The following AAAS variants were observed in gnomAD, a reference collection of about 807,000 sequenced individuals.
AAAS encodes aladin WD repeat nucleoporin.
A neutral mutation model predicts 75.6 loss-of-function variants in AAAS; 60 were observed. The observed-to-expected ratio is 0.79, with a 90% CI of 0.64 to 0.98. The LOEUF (loss-of-function observed/expected upper bound fraction) is 0.98, where lower values mean the gene tolerates loss of function less well. Among genes scored for constraint, AAAS ranks in the 50% least tolerant of loss-of-function variants. The pLI is 0.00. For missense variants in AAAS, 658 were observed against 686.9 expected, an observed-to-expected ratio of 0.96 and a Z score of 0.47; for synonymous variants, 271 against 265.0, an observed-to-expected ratio of 1.02 and a Z score of -0.22.
Position 53,314,790 on chromosome 12 carries a change from G to A in AAAS, c.506C>T (p.Ala169Val). Residue 169 changes from alanine to valine, a missense_variant, in exon 6 of 16, where the codon GCC becomes GTC. By Grantham distance (64) the Ala-to-Val change is moderately conservative (BLOSUM62 0). Coordinates refer to ENST00000209873, the MANE Select transcript of AAAS (RefSeq NM_015665.6). Reference sequence around the variant, plus strand: ...CACACGGACTGAGTCATCTAGCAGGGCCACTGCAAACTTGTTGGTGTGGGG... The same window carrying A: ...CACACGGACTGAGTCATCTAGCAGGACCACTGCAAACTTGTTGGTGTGGGG... ...WHPHTNKFAV[A>V]LLDDSVRVYN... is the part of the protein sequence containing the mutation. 1.2e-6 allele frequency: 2 copies of A among 1,613,878 alleles called. No individual in the cohort carries two copies. The highest frequency in any genetic ancestry group is 1.7e-6 in the Non-Finnish European group (2 of 1,179,920).
chr12:53,309,798 G>A (rs1944357918), intron 7 of AAAS, 77 bp from the exon 8 acceptor site: 2 of 1,576,102 alleles, frequency 1.3e-6, no homozygotes, highest in Admixed American at 1.9e-5. Flanking sequence ...TTTGCCTCCT[G>A]CTAAAACCTC....
chr12:53,317,318 G>A (rs1944478410), intron 2 of AAAS, among the ~76,000 whole-genome samples: 1 of 152,082 alleles, frequency 6.6e-6, no homozygotes, highest in Admixed American at 6.6e-5. Context: ...AGCACTTTGG[G>A]AGGCTGAGGC....
At position 53,316,764 on chromosome 12, in the gene AAAS, CAA is replaced by C. The variant is rs34520642; in HGVS notation, c.252-984_252-983del. ...CAACAGAGCAAGACTCCATCTCAGA[CAA>C]AAAAAAAAAAAAAAAAAAAGAAGAG... On this transcript the variant is annotated intron_variant, in intron 2 of 15. Coordinates refer to ENST00000209873, the MANE Select transcript of AAAS (RefSeq NM_015665.6). 1.5e-3 allele frequency among the ~76,000 whole-genome samples: 116 copies of C among 77,184 alleles called. 1 individual carries two copies. The highest frequency in any genetic ancestry group is 3.3e-3 in the South Asian group (7 of 2,094). The allele number at this position is 77,184 out of a possible 152,430, so 50.6% of individuals were successfully genotyped here.
chr12:53,307,991 G>T, intron 14 of AAAS, 61 bp downstream of exon 14: 1 of 1,612,636 alleles, frequency 6.2e-7, no homozygotes, highest in African/African-American at 1.3e-5. Flanking sequence ...GTGGGATGTG[G>T]GTTTGTTTGT....
chr12:53,308,692 C>T, intron 11 of AAAS, 33 bp downstream of exon 11: 1 of 1,612,654 alleles, frequency 6.2e-7, no homozygotes, highest in Non-Finnish European at 8.5e-7. Flanking sequence ...TCCCTCTGAC[C>T]ACCCCAAATA....
chr12:53,321,288 AGTCCCCGACTCCGCCCCCATGCCTGTAG>A lies in AAAS; in HGVS notation c.123+27_123+54del, dbSNP rs369028272. The A allele has an allele frequency of 1.3e-3, 2,132 of 1,597,518 alleles. 33 individuals are homozygous for A. In the East Asian group the frequency reaches 0.036, roughly 27 times the overall value. ...TGTCACACTGCCTCCTTTCCCCAGT[AGTCCCCGACTCCGCCCCCATGCCTGTAG>A]GTCCCCTCCCTCCTCGCCCTGGCCA... On this transcript the variant is annotated intron_variant, in intron 1 of 15. Coordinates refer to ENST00000209873, the MANE Select transcript of AAAS (RefSeq NM_015665.6).
intron 6 of AAAS, 131 bp from the exon 7 acceptor site, chr12:53,314,572 G>A: frequency 7.1e-7 from 1 of 1,416,940 alleles, no homozygotes; most frequent in Non-Finnish European, 9.8e-7. Flanking sequence ...CCATAGGACA[G>A]GAGGGGATAA....
At chr12:53,313,082 T>C (rs1944414830) in intron 7 of AAAS, among the ~76,000 whole-genome samples, 1 of 150,632 alleles carries the variant, frequency 6.6e-6, no homozygotes, top group African/African-American at 2.4e-5. Context: ...GGTCTCTATC[T>C]CCTGACCTCA....
In AAAS at chr12:53,308,940, G is replaced by A. The variant is rs111986621; in HGVS notation, c.996+20C>T. ...GAATCATCTCCTCCCCAGTGTCTGT[G>A]AATCAGAGTCCCCTCTTACCTGACA... On this transcript the variant is annotated intron_variant, in intron 10 of 15. Coordinates refer to ENST00000209873, the MANE Select transcript of AAAS (RefSeq NM_015665.6). 1,085 of 1,614,176 alleles carry A rather than the reference G, an allele frequency of 6.7e-4. 7 individuals are homozygous for A. In the African/African-American group the frequency reaches 0.013, roughly 19 times the overall value.
chr12:53,313,856 G>A (rs1003862496), intron 7 of AAAS, among the ~76,000 whole-genome samples: 2 of 152,020 alleles, frequency 1.3e-5, no homozygotes, highest in East Asian at 1.9e-4. Context: ...TGATCCAACC[G>A]CCTCCACATC....
Position 53,309,603 on chromosome 12 carries a change from G to A in AAAS, c.808C>T (p.Arg270Trp), listed in dbSNP as rs779681475. 2.7e-5 allele frequency: 44 copies of A among 1,613,608 alleles called. No homozygotes were observed. The highest frequency in any genetic ancestry group is 1.8e-4 in the Admixed American group (11 of 59,992). The change falls in exon 8 of 16, where the codon CGG becomes TGG. Residue 270 changes from arginine (R) to tryptophan (W), a missense_variant and splice_region_variant. Arg to Trp is a moderately radical substitution (Grantham distance 101). Coordinates refer to ENST00000209873, the MANE Select transcript of AAAS (RefSeq NM_015665.6). ...LSASPVDAAI[R>W]VWDVSTETCV... ...ATGAGGGGCAGGGACCCACTCACCCGGATAGCAGCATCCACGGGTGAAGCT... is the reference window on the plus strand; with the variant it reads ...ATGAGGGGCAGGGACCCACTCACCCAGATAGCAGCATCCACGGGTGAAGCT...
chr12:53,311,791 G>A (rs774722646), intron 7 of AAAS, among the ~76,000 whole-genome samples: 93 of 151,922 alleles, frequency 6.1e-4, no homozygotes, highest in Non-Finnish European at 1.1e-3. Flanking sequence ...GCACGCACCT[G>A]TAGTCCCAGC....
chr12:53,315,541 T>C, intron 3 of AAAS, 115 bp from the exon 4 acceptor site: 1 of 1,188,722 alleles, frequency 8.4e-7, no homozygotes, highest in Non-Finnish European at 1.2e-6. Context: ...GCCCAGTAAG[T>C]GCTCTCAACA....
rs1944557930 is a variant in AAAS at position 53,321,518 on chromosome 12, C to A, written c.-53G>T. On this transcript the variant is annotated 5_prime_UTR_variant, in exon 1 of 16. Coordinates refer to ENST00000209873, the MANE Select transcript of AAAS (RefSeq NM_015665.6). Reference sequence around the variant, plus strand: ...CGGCAAACTCCTGGCCGGAACGGCACAGACCGCACTCCCGCAACTCGGTTC... The same window carrying A: ...CGGCAAACTCCTGGCCGGAACGGCAAAGACCGCACTCCCGCAACTCGGTTC... 1.2e-6 allele frequency: 2 copies of A among 1,611,716 alleles called. No individual in the cohort carries two copies. Among genetic ancestry groups the A allele is most frequent in the Non-Finnish European group, 1.7e-6 (2 of 1,179,740 alleles).
intron 8 of AAAS, 130 bp from the exon 9 acceptor site, chr12:53,309,411 G>A (rs1944351269): frequency 7.3e-6 from 11 of 1,508,648 alleles, no homozygotes; most frequent in Admixed American, 5.6e-5. Context: ...CATGAGGCAC[G>A]GGTTCATGCT....
chr12:53,318,411 C>A (rs1295174282), intron 2 of AAAS, among the ~76,000 whole-genome samples: 1 of 152,102 alleles, frequency 6.6e-6, no homozygotes, highest in Non-Finnish European at 1.5e-5. Flanking sequence ...CGGAGTTTCA[C>A]CACATTGGCC....
At chr12:53,307,981 G>C (rs1592511410) in intron 14 of AAAS, 52 bp from the exon 15 acceptor site, 2 of 1,612,518 alleles carry the variant, frequency 1.2e-6, no homozygotes, top group East Asian at 2.2e-5. Context: ...GCTGAATGTA[G>C]TGGGATGTGG....
chr12:53,319,530 T>C (rs1313536539), intron 2 of AAAS, among the ~76,000 whole-genome samples: 3 of 152,080 alleles, frequency 2.0e-5, no homozygotes, highest in African/African-American at 7.2e-5. Flanking sequence ...ATATGTGCCA[T>C]TAATAGGTCC....
Position 53,308,051 on chromosome 12 carries a change from C to T in AAAS, c.1331+1G>A, listed in dbSNP as rs150511103. ...GACCTAAGGGCCCACATGGCACTTA[C>T]CAGGGAAGGAGCTCAAACACAGGGC... is the stretch of plus-strand genomic sequence containing the variant. On this transcript the variant is annotated splice_donor_variant, in intron 14 of 15. Coordinates refer to ENST00000209873, the MANE Select transcript of AAAS (RefSeq NM_015665.6). LOFTEE classifies it high-confidence loss of function. 68 of 1,614,202 alleles carry T rather than the reference C, an allele frequency of 4.2e-5. No individual in the cohort carries two copies. The highest frequency in any genetic ancestry group is 3.2e-4 in the Admixed American group (19 of 60,028).
Sources: allele counts gnomAD v4.1 joint callset (sites outside exome capture counted in the v4.1 genomes callset), GRCh38; gene constraint gnomAD v4.1.1; transcripts MANE v1.5; gene names NCBI Gene and HGNC (gene_info 2026-07-23, HGNC 2026-07-21).